ZNF423: variants seen among roughly 807,000 people sequenced by gnomAD.
ZNF423 encodes zinc finger protein 423.
In ZNF423, 12 loss-of-function variants were observed where a neutral mutation model predicts 95.8. The ratio of observed to expected loss-of-function variants is 0.13; its 90% confidence interval spans 0.08 to 0.20. The LOEUF is 0.20. ZNF423 is among the 10% of genes least tolerant of loss of function. The pLI, the probability that ZNF423 is intolerant of heterozygous loss-of-function variation, is 1.00. For missense variants in ZNF423, 1,316 were observed against 1,737.1 expected (o/e 0.76, Z 4.31); for synonymous variants, 749 against 711.9 (o/e 1.05, Z -0.83).
chr16:49,745,823 G>A (rs543532639), intron 2 of ZNF423, among the ~76,000 whole-genome samples: 1 of 152,222 alleles, frequency 6.6e-6, no homozygotes, highest in African/African-American at 2.4e-5. Flanking sequence ...AATATTATCA[G>A]GAAAGTGCAA....
chr16:49,666,722 C>G (rs555320337), intron 3 of ZNF423, among the ~76,000 whole-genome samples: 1 of 152,238 alleles, frequency 6.6e-6, no homozygotes, highest in African/African-American at 2.4e-5. Flanking sequence ...CACCAGACCC[C>G]CAGGGAGGGC....
chr16:49,736,499 G>T (rs754253576), intron 2 of ZNF423, among the ~76,000 whole-genome samples: 2 of 152,144 alleles, frequency 1.3e-5, no homozygotes, highest in Non-Finnish European at 2.9e-5. Flanking sequence ...ATCATGTTTC[G>T]CTGGAAAGCA....
At chr16:49,695,648 A>G (rs947997052) in intron 3 of ZNF423, among the ~76,000 whole-genome samples, 1 of 152,210 alleles carries the variant, frequency 6.6e-6, no homozygotes, top group African/African-American at 2.4e-5. Context: ...GCTGGTATCC[A>G]ACTCCCGACC....
rs765910941 is a variant in ZNF423, at chr16:49,769,369, A to AAAAAG, written c.100+20113_100+20117dup. ...GACTCTGTCTCAAAAAAAAAAAGAA[A>AAAAAG]AAAAGAAAAGAAAAAGAAAGAAAGA... On this transcript the variant is annotated intron_variant, in intron 2 of 7. Coordinates refer to ENST00000563137, the MANE Select transcript of ZNF423 (RefSeq NM_001379286.1). 3.6e-3 allele frequency among the ~76,000 whole-genome samples: 298 copies of AAAAAG among 81,848 alleles called. 4 individuals are homozygous for AAAAAG. Among genetic ancestry groups the AAAAAG allele is most frequent in the Non-Finnish European group, 5.0e-3 (230 of 46,274 alleles). 53.7% of individuals were successfully genotyped at this position (81,848 alleles called of 152,430 possible).
intron 2 of ZNF423, among the ~76,000 whole-genome samples, chr16:49,731,967 A>T (rs904058127): frequency 6.6e-6 from 1 of 152,218 alleles, no homozygotes; most frequent in African/African-American, 2.4e-5. Flanking sequence ...GTGAATTCGT[A>T]ATCATAATGA....
chr16:49,795,144 T>C (rs1218417913), intron 1 of ZNF423, among the ~76,000 whole-genome samples: 1 of 152,194 alleles, frequency 6.6e-6, no homozygotes, highest in Non-Finnish European at 1.5e-5. Context: ...AGTGCTGGGA[T>C]TACAGGCATG....
At position 49,488,271 on chromosome 16, in the gene ZNF423, G is replaced by A. The variant is rs1379856696; in HGVS notation, c.*3004C>T. ...AGCGTTCTTTAAGGCTGGGGAACTC[G>A]AGAAGATTTCTCCCATGACAGTTTC... On this transcript the variant is annotated 3_prime_UTR_variant, in exon 8 of 8. Transcript: ENST00000563137. The A allele has an allele frequency of 6.6e-6, 1 of 152,212 alleles. No individual in the cohort carries two copies. Among genetic ancestry groups the A allele is most frequent in the Non-Finnish European group, 1.5e-5 (1 of 68,046 alleles). 9.4% of individuals were successfully genotyped at this position (152,212 alleles called of 1,614,324 possible). A position where few individuals can be genotyped will look rare whatever the true frequency, so the allele number is the denominator to read the frequency against.
chr16:49,653,072 T>G (rs773590677), intron 3 of ZNF423, among the ~76,000 whole-genome samples: 5 of 152,164 alleles, frequency 3.3e-5, no homozygotes, highest in Non-Finnish European at 5.9e-5. Context: ...GCTGCAGAAA[T>G]TTTTGGATAA....
intron 5 of ZNF423, among the ~76,000 whole-genome samples, chr16:49,560,127 T>C (rs1300524897): frequency 2.0e-5 from 3 of 152,026 alleles, no homozygotes; most frequent in Admixed American, 6.5e-5. Flanking sequence ...ATTAACAAAA[T>C]AGCAATAGCA....
At chr16:49,554,315 A>T (rs1969748422) in intron 5 of ZNF423, among the ~76,000 whole-genome samples, 1 of 152,144 alleles carries the variant, frequency 6.6e-6, no homozygotes, top group Admixed American at 6.5e-5. Flanking sequence ...AAGAATGAGC[A>T]TTCTACCTCT....
chr16:49,749,432 G>C (rs1405888347), intron 2 of ZNF423, among the ~76,000 whole-genome samples: 1 of 152,164 alleles, frequency 6.6e-6, no homozygotes, highest in Non-Finnish European at 1.5e-5. Context: ...TGTTATTTCT[G>C]ATTACAAAGA....
chr16:49,708,337 C>A (rs1215343085), intron 3 of ZNF423: 1 of 152,046 alleles, frequency 6.6e-6, no homozygotes, highest in Admixed American at 6.6e-5. Context: ...ACTCTGCCCC[C>A]CTGGCTAGAG....
chr16:49,635,536 G>T lies in ZNF423; in HGVS notation c.3516+124C>A. The T allele has an allele frequency of 1.5e-6, 2 of 1,294,980 alleles. No homozygotes were observed. The highest frequency in any genetic ancestry group is 2.1e-6 in the Non-Finnish European group (2 of 969,694). The allele number at this position is 1,294,980 out of a possible 1,614,324, so 80.2% of individuals were successfully genotyped here. On this transcript the variant is annotated intron_variant, in intron 4 of 7. Coordinates refer to ENST00000563137, the MANE Select transcript of ZNF423 (RefSeq NM_001379286.1). The surrounding 1 kb of genome is among the most constrained non-coding windows in gnomAD (Gnocchi z 4.8). ...AAGGAGTCTACAGCACAGCAGTTCT[G>T]TTTTGCCACTGCGCGATAGCGCCGC...
At chr16:49,541,253 G>A (rs60306270) in intron 5 of ZNF423, among the ~76,000 whole-genome samples, 18,682 of 152,188 alleles carry the variant, frequency 0.12, 1,290 homozygotes, top group South Asian at 0.24. Flanking sequence ...CAATGGCAGG[G>A]GGCTTTCTAG....
intron 1 of ZNF423, among the ~76,000 whole-genome samples, chr16:49,815,305 A>G (rs1218499647): frequency 6.6e-6 from 1 of 152,102 alleles, no homozygotes; most frequent in East Asian, 1.9e-4. Flanking sequence ...CCCCCTAAGC[A>G]GCAGCTGCAC....
intron 3 of ZNF423, among the ~76,000 whole-genome samples, chr16:49,665,910 TC>T (rs2030518728): frequency 6.6e-6 from 1 of 152,078 alleles, no homozygotes; most frequent in East Asian, 1.9e-4. Context: ...CATGGAAAGG[TC>T]TCTGCATCTG....
At chr16:49,854,157 C>A (rs2144134415) in intron 1 of ZNF423, 13 of 985,420 alleles carry the variant, frequency 1.3e-5, no homozygotes, top group East Asian at 1.1e-4. Flanking sequence ...ACCCTCTGAA[C>A]CCCCAGTTCT....
At chr16:49,859,002 G>T (rs566287692), upstream of ZNF423, among the ~76,000 whole-genome samples, 17 of 152,324 alleles carry the variant, frequency 1.1e-4, no homozygotes, top group African/African-American at 3.6e-4. Context: ...GGCGGGGAAC[G>T]GCCCCCAGCT....
intron 1 of ZNF423, among the ~76,000 whole-genome samples, chr16:49,841,219 G>A (rs1281400022): frequency 6.6e-6 from 1 of 152,122 alleles, no homozygotes; most frequent in Non-Finnish European, 1.5e-5. Flanking sequence ...GAAGCTTGGG[G>A]ATCCTAGGTT....
Sources: gnomAD v4.1 joint callset for allele counts (sites outside exome capture counted in the v4.1 genomes callset) on GRCh38, gnomAD v4.1.1 for gene constraint, Gnocchi (gnomAD v3.1) non-coding constraint, MANE v1.5 for transcripts, NCBI Gene and HGNC (gene_info 2026-07-23, HGNC 2026-07-21) for gene names.